The following WWP2 variants were observed in gnomAD, a reference collection of about 807,000 sequenced individuals.
WWP2 encodes NEDD4-like E3 ubiquitin-protein ligase WWP2.
A neutral mutation model predicts 121.0 loss-of-function variants in WWP2; 57 were observed. The ratio of observed to expected loss-of-function variants is 0.47; its 90% CI spans 0.38 to 0.59. The LOEUF is 0.59. Ranked by LOEUF, WWP2 falls within the 20% of genes least tolerant of loss-of-function variation. The probability of loss-of-function intolerance (pLI) is 0.00; values close to 1 mark genes in which losing one functional copy is unlikely to be tolerated. For synonymous variants in WWP2, 449 were observed against 441.3 expected (o/e 1.02, Z -0.22); for missense variants, 962 against 1,158.9 (o/e 0.83, Z 2.47).
chr16:69,841,040 G>T (rs2056968073), intron 5 of WWP2, among the ~76,000 whole-genome samples: 2 of 152,164 alleles, frequency 1.3e-5, no homozygotes, highest in Admixed American at 6.5e-5. Flanking sequence ...GTGCTTTGGT[G>T]CTTGGAGAAA....
chr16:69,790,686 A>G (rs1378499169), intron 2 of WWP2, among the ~76,000 whole-genome samples: 1 of 151,826 alleles, frequency 6.6e-6, no homozygotes, highest in Non-Finnish European at 1.5e-5. Context: ...AGCGATTCTC[A>G]TGCCTCAGCC....
intron 4 of WWP2, among the ~76,000 whole-genome samples, chr16:69,820,129 AG>A (rs1416631246): frequency 6.6e-6 from 1 of 152,146 alleles, no homozygotes; most frequent in Non-Finnish European, 1.5e-5. Flanking sequence ...GCTACTCAGG[AG>A]GGTGAGGCAG....
At chr16:69,763,946 A>G (rs913920275) in intron 1 of WWP2, among the ~76,000 whole-genome samples, 1 of 152,182 alleles carries the variant, frequency 6.6e-6, no homozygotes, top group Non-Finnish European at 1.5e-5. Context: ...GCTCGAGAGA[A>G]AGGCTTGGAT....
chr16:69,909,117 A>C, intron 9 of WWP2: 1 of 1,147,274 alleles, frequency 8.7e-7, no homozygotes, highest in Non-Finnish European at 1.1e-6. Flanking sequence ...CCCTATGCCC[A>C]GCCTGTCCCT....
chr16:69,862,696 C>T (rs1463601185), intron 6 of WWP2, among the ~76,000 whole-genome samples: 1 of 150,530 alleles, frequency 6.6e-6, no homozygotes, highest in South Asian at 2.1e-4. Context: ...GGTATCCAGC[C>T]AGCCATGAAT....
At chr16:69,899,680 T>C (rs560988818) in intron 8 of WWP2, among the ~76,000 whole-genome samples, 5 of 142,330 alleles carry the variant, frequency 3.5e-5, no homozygotes, top group Admixed American at 7.6e-5. Context: ...AGAGCCAAGA[T>C]TGTACCACTG....
intron 8 of WWP2, among the ~76,000 whole-genome samples, chr16:69,892,129 C>T (rs1285258247): frequency 6.6e-6 from 1 of 152,120 alleles, no homozygotes; most frequent in Non-Finnish European, 1.5e-5. Context: ...AGTGGGACTC[C>T]AGGAAATAGT....
chr16:69,884,658 A>T (rs2057892031), intron 7 of WWP2, among the ~76,000 whole-genome samples: 1 of 152,202 alleles, frequency 6.6e-6, no homozygotes. Context: ...AATGGATTGA[A>T]ATATTTTAAA....
chr16:69,909,155 G>A lies in WWP2; in HGVS notation c.1004+305G>A, dbSNP rs1439834074. The A allele has an allele frequency of 4.7e-6, 5 of 1,056,964 alleles. No individual in the cohort carries two copies. The East Asian group carries it at 2.9e-4, about 61-fold the overall frequency. 65.5% of individuals were successfully genotyped at this position (1,056,964 alleles called of 1,614,324 possible). A position where few individuals can be genotyped will look rare whatever the true frequency, so the allele number is the denominator to read the frequency against. ...AGGCAGAGTGCTTCTTATTCGGCAGGGCTTCGTGAGAATGCCGCCAAGTTA... is the reference window on the plus strand; with the variant it reads ...AGGCAGAGTGCTTCTTATTCGGCAGAGCTTCGTGAGAATGCCGCCAAGTTA... On this transcript the variant is annotated intron_variant, in intron 9 of 23. Coordinates refer to ENST00000359154, the MANE Select transcript of WWP2 (RefSeq NM_001270454.2).
At chr16:69,890,213 A>C (rs932428133) in intron 8 of WWP2, among the ~76,000 whole-genome samples, 3 of 151,894 alleles carry the variant, frequency 2.0e-5, no homozygotes, top group Non-Finnish European at 2.9e-5. Context: ...CAAAACAAAA[A>C]TCTTTTATCG....
Position 69,798,251 on chromosome 16 carries a change from C to T in WWP2, c.71-431C>T, listed in dbSNP as rs149653021. ...AAAGGCATGCAGATGTATATGTTCA[C>T]GGTAATTTCCCCAGAGCGAACAATT... On this transcript the variant is annotated intron_variant, in intron 2 of 23. Coordinates refer to ENST00000359154, the MANE Select transcript of WWP2 (RefSeq NM_001270454.2). 1.9e-3 allele frequency among the ~76,000 whole-genome samples: 282 copies of T among 152,254 alleles called. 6 individuals carry two copies. Among genetic ancestry groups the T allele is most frequent in the African/African-American group, 6.2e-3 (256 of 41,528 alleles).
chr16:69,833,712 GA>G (rs2056829879), intron 4 of WWP2, among the ~76,000 whole-genome samples: 1 of 152,252 alleles, frequency 6.6e-6, no homozygotes, highest in African/African-American at 2.4e-5. Context: ...CTTTCTTGCT[GA>G]AACCTGAGCC....
Position 69,939,368 on chromosome 16 carries a change from T to C in WWP2, c.2468T>C (p.Ile823Thr). Residue 823 changes from isoleucine to threonine, a missense_variant, in exon 23 of 24, where the codon ATT becomes ACT. Physicochemically the swap from Ile to Thr is moderately conservative, Grantham distance 89. Transcript: ENST00000359154. Reference sequence around the variant, plus strand: ...AGCAACGGACCACAGAAGTTTTGCATTGACAAAGTTGGCAAGGAAACCTGG... The same window carrying C: ...AGCAACGGACCACAGAAGTTTTGCACTGACAAAGTTGGCAAGGAAACCTGG... ...IGSNGPQKFC[I>T]DKVGKETWLP... The C allele has an allele frequency of 1.2e-6, 2 of 1,614,166 alleles. No homozygotes were observed. The highest frequency in any genetic ancestry group is 1.7e-6 in the Non-Finnish European group (2 of 1,180,030).
At chr16:69,916,806 C>T (rs2058485417) in intron 9 of WWP2, among the ~76,000 whole-genome samples, 1 of 152,102 alleles carries the variant, frequency 6.6e-6, no homozygotes, top group Non-Finnish European at 1.5e-5. Context: ...AATCTGGGAA[C>T]TGACTGTGGG....
intron 7 of WWP2, among the ~76,000 whole-genome samples, chr16:69,883,759 A>G (rs1243156685): frequency 6.6e-6 from 1 of 151,992 alleles, no homozygotes; most frequent in Non-Finnish European, 1.5e-5. Flanking sequence ...TAAACAGAAG[A>G]GCTACTATGG....
At position 69,879,216 on chromosome 16, in the gene WWP2, A is replaced by T. The variant is rs150187963; in HGVS notation, c.703+7285A>T. 6.2e-3 allele frequency among the ~76,000 whole-genome samples: 944 copies of T among 152,232 alleles called. 9 individuals carry two copies. The highest frequency in any genetic ancestry group is 0.021 in the African/African-American group (889 of 41,534). On this transcript the variant is annotated intron_variant, in intron 7 of 23. Transcript: ENST00000359154. ...CAATTTTTAAAAATTGTAGTGAAAA[A>T]CACATAACATGAAATTTACCATTTA... is the stretch of plus-strand genomic sequence containing the variant.
At chr16:69,775,230 G>C (rs2055499587) in intron 1 of WWP2, 1 of 152,130 alleles carries the variant, frequency 6.6e-6, no homozygotes, top group Non-Finnish European at 1.5e-5. Context: ...TTCTTTCCTT[G>C]GGGTATAAGG....
rs1396438876 is a variant in WWP2, at chr16:69,939,362, T to A, written c.2462T>A (p.Phe821Tyr). Reference sequence around the variant, plus strand: ...ACAGGTAGCAACGGACCACAGAAGTTTTGCATTGACAAAGTTGGCAAGGAA... The same window carrying A: ...ACAGGTAGCAACGGACCACAGAAGTATTGCATTGACAAAGTTGGCAAGGAA... ...ELIGSNGPQK[F>Y]CIDKVGKETW... Residue 821 changes from phenylalanine (F) to tyrosine (Y), a missense_variant, in exon 23 of 24, where the codon TTT becomes TAT. Transcript: ENST00000359154. 6.2e-7 allele frequency: 1 copy of A among 1,614,010 alleles called. No homozygotes were observed. The highest frequency in any genetic ancestry group is 1.7e-5 in the Admixed American group (1 of 59,990).
At chr16:69,921,511 A>T (rs1258998667) in intron 10 of WWP2, among the ~76,000 whole-genome samples, 1 of 152,158 alleles carries the variant, frequency 6.6e-6, no homozygotes, top group East Asian at 1.9e-4. Context: ...CTGCCTCAAC[A>T]CACACCTTCT....
Sources: allele counts gnomAD v4.1 joint callset (sites outside exome capture counted in the v4.1 genomes callset), GRCh38; gene constraint gnomAD v4.1.1; transcripts MANE v1.5; gene names NCBI Gene and HGNC (gene_info 2026-07-23, HGNC 2026-07-21).